The following RARB variants were observed in gnomAD, a reference collection of about 807,000 sequenced individuals.
RARB encodes retinoic acid receptor beta, also known as HBV-activated protein.
Under a neutral mutation model 51.9 loss-of-function variants are expected in RARB, and 17 were observed. That is an observed-to-expected ratio of 0.33 (90% CI 0.22 to 0.49). The LOEUF is 0.49. Ranked by LOEUF, RARB falls within the 20% of genes least tolerant of loss-of-function variation. The pLI is 0.99. For missense variants in RARB, 369 were observed against 550.8 expected, an observed-to-expected ratio of 0.67 and a Z score of 3.30; for synonymous variants, 215 against 195.4, an observed-to-expected ratio of 1.10 and a Z score of -0.84.
At chr3:25,282,606 A>G (rs1703552704) in intron 5 of RARB, among the ~76,000 whole-genome samples, 1 of 152,236 alleles carries the variant, frequency 6.6e-6, no homozygotes, top group African/African-American at 2.4e-5. Flanking sequence ...CCTGGAATAT[A>G]GATGGTGCTT....
chr3:24,836,064 A>G (rs1459132563), intron 1 of RARB, among the ~76,000 whole-genome samples: 1 of 152,216 alleles, frequency 6.6e-6, no homozygotes, highest in Admixed American at 6.5e-5. Flanking sequence ...AGGACAATGC[A>G]CTTTAACATT....
At chr3:24,977,742 T>C (rs746693433) in intron 2 of RARB, among the ~76,000 whole-genome samples, 3 of 152,178 alleles carry the variant, frequency 2.0e-5, no homozygotes, top group Non-Finnish European at 4.4e-5. Context: ...GAATACTCTT[T>C]ATTTCTTTCT....
chr3:25,033,795 T>C (rs12494417), intron 2 of RARB, among the ~76,000 whole-genome samples: 95,397 of 152,034 alleles, frequency 0.63, 30,598 homozygotes, highest in East Asian at 0.93. Flanking sequence ...CCTAGGCAAG[T>C]TGGCACAGTA....
intron 4 of RARB, among the ~76,000 whole-genome samples, chr3:25,154,102 A>G (rs1477416426): frequency 6.6e-6 from 1 of 152,208 alleles, no homozygotes; most frequent in Non-Finnish European, 1.5e-5. Context: ...GTGGATTTTT[A>G]AGAAGCCAGC....
chr3:25,210,529 C>CTTTTTTTTTTGTTTTTTTTTT (rs1701667611), intron 5 of RARB, among the ~76,000 whole-genome samples: 1 of 27,618 alleles, frequency 3.6e-5, no homozygotes, highest in Non-Finnish European at 8.7e-5. Context: ...TTATCTGATT[C>CTTTTTTTTTTGTTTTTTTTTT]TTTTTTTTTT....
In RARB at chr3:25,207,274, T is replaced by A. The variant is rs1324905935; in HGVS notation, c.178+32699T>A. ...GTCTTTACTGAGAAAATCTCTGTGA[T>A]CCTCCCCTGTGCCCATCTACCCATT... On this transcript the variant is annotated intron_variant, in intron 5 of 11. Coordinates refer to the RARB transcript ENST00000383772. Among the ~76,000 whole-genome samples the A allele has an allele frequency of 5.3e-5, 8 of 152,170 alleles. No individual in the cohort carries two copies. In the South Asian group the frequency reaches 1.0e-3, roughly 20 times the overall value.
intron 2 of RARB, among the ~76,000 whole-genome samples, chr3:24,871,369 C>T (rs1575045882): frequency 6.6e-6 from 1 of 152,128 alleles, no homozygotes; most frequent in East Asian, 1.9e-4. Flanking sequence ...CCTATTTTAG[C>T]TATCAACCTC....
chr3:25,314,020 A>G (rs1161306257), intron 5 of RARB, among the ~76,000 whole-genome samples: 4 of 152,102 alleles, frequency 2.6e-5, no homozygotes, highest in Admixed American at 2.6e-4. Context: ...GCACTGAGCT[A>G]TGATCACACC....
At chr3:25,271,491 G>T (rs1379895918) in intron 5 of RARB, among the ~76,000 whole-genome samples, 3 of 152,158 alleles carry the variant, frequency 2.0e-5, no homozygotes, top group Admixed American at 6.6e-5. Flanking sequence ...AGGAAAATTA[G>T]GTGCTTTCTG....
chr3:25,013,710 G>T (rs1448824143), intron 2 of RARB, among the ~76,000 whole-genome samples: 1 of 152,070 alleles, frequency 6.6e-6, no homozygotes, highest in Non-Finnish European at 1.5e-5. Context: ...TGACAGAGAA[G>T]TGAGAGCTGG....
Position 25,303,829 on chromosome 3 carries a change from G to C in RARB, c.178+129254G>C, listed in dbSNP as rs62235566. On this transcript the variant is annotated intron_variant, in intron 5 of 11. Transcript: ENST00000383772. ...TTTTATTTTATTTTGCTTGGTCTGG[G>C]TTTGTTTCTTAATTGCAAATTGCAG... 5.8e-3 allele frequency among the ~76,000 whole-genome samples: 883 copies of C among 152,236 alleles called. 5 individuals are homozygous for C. The highest frequency in any genetic ancestry group is 9.2e-3 in the Non-Finnish European group (627 of 68,022).
intron 5 of RARB, among the ~76,000 whole-genome samples, chr3:25,408,897 G>T (rs748313415): frequency 3.7e-4 from 56 of 152,226 alleles, no homozygotes; most frequent in Admixed American, 3.3e-4. Flanking sequence ...AGCTGGGCGT[G>T]GTGACAGGCA....
chr3:25,252,409 G>T lies in RARB; in HGVS notation c.178+77834G>T, dbSNP rs538619774. Among the ~76,000 whole-genome samples the T allele has an allele frequency of 9.2e-5, 14 of 152,208 alleles. 1 individual carries two copies. In the South Asian group the frequency reaches 1.0e-3, roughly 11 times the overall value. On this transcript the variant is annotated intron_variant, in intron 5 of 11. Transcript: ENST00000383772. ...AAAACCAGCTAGGATTTTGATAGGG[G>T]TTGTATTGAATCTGTAGATCAATTA...
At chr3:24,908,349 A>T (rs770140162) in intron 2 of RARB, among the ~76,000 whole-genome samples, 1 of 152,176 alleles carries the variant, frequency 6.6e-6, no homozygotes, top group African/African-American at 2.4e-5. Flanking sequence ...AAAAATATGT[A>T]CCAGTAGAAT....
intron 2 of RARB, among the ~76,000 whole-genome samples, chr3:25,058,322 C>T (rs921237926): frequency 2.6e-5 from 4 of 151,824 alleles, no homozygotes; most frequent in Non-Finnish European, 4.4e-5. Context: ...GTTGTATAAA[C>T]TCCAAGTGGT....
chr3:25,488,446 T>G (rs1001611121), intron 2 of RARB, among the ~76,000 whole-genome samples: 4 of 152,204 alleles, frequency 2.6e-5, no homozygotes, highest in African/African-American at 7.2e-5. Flanking sequence ...TTATCTCTTT[T>G]GTCCTTCTGG....
intron 4 of RARB, among the ~76,000 whole-genome samples, chr3:25,146,514 T>G (rs1042947891): frequency 4.7e-5 from 5 of 107,082 alleles, no homozygotes; most frequent in East Asian, 4.6e-4. Flanking sequence ...TTTGTTTGTT[T>G]TTTTTTTTTT....
chr3:25,217,897 G>A (rs1377414749), intron 5 of RARB, among the ~76,000 whole-genome samples: 1 of 151,554 alleles, frequency 6.6e-6, no homozygotes, highest in Non-Finnish European at 1.5e-5. Flanking sequence ...ATGAGAAATG[G>A]AAGCGCTTTA....
chr3:25,243,388 GT>G (rs939838851), intron 5 of RARB, among the ~76,000 whole-genome samples: 1 of 152,148 alleles, frequency 6.6e-6, no homozygotes, highest in East Asian at 1.9e-4. Context: ...TCTTGTGCTG[GT>G]TTTCAAAGGG....
Sources: gnomAD v4.1 joint callset for allele counts (sites outside exome capture counted in the v4.1 genomes callset) on GRCh38, gnomAD v4.1.1 for gene constraint, MANE v1.5 for transcripts, NCBI Gene and HGNC (gene_info 2026-07-23, HGNC 2026-07-21) for gene names.